Variants in CRB1 observed in about 807,000 individuals in gnomAD.
CRB1 encodes the protein protein crumbs homolog 1.
A neutral mutation model predicts 120.0 loss-of-function variants in CRB1; 83 were observed. That is an observed-to-expected ratio of 0.69 (90% CI 0.58 to 0.83). The LOEUF (loss-of-function observed/expected upper bound fraction) is 0.83. Among genes scored for constraint, CRB1 ranks in the 40% least tolerant of loss-of-function variants. CRB1 has a pLI of 0.00. For synonymous variants in CRB1, 625 were observed against 612.5 expected, an observed-to-expected ratio of 1.02 and a Z score of -0.30; for missense variants, 1,699 against 1,687.6, an observed-to-expected ratio of 1.01 and a Z score of -0.12.
intron 1 of CRB1, among the ~76,000 whole-genome samples, chr1:197,279,774 A>G (rs1225900698): frequency 6.6e-6 from 1 of 151,428 alleles, no homozygotes; most frequent in African/African-American, 2.4e-5. Context: ...AAAGCAGCCC[A>G]CTACCCCCTA....
chr1:197,243,910 C>A, the CRB1 span, among the ~76,000 whole-genome samples: 1 of 151,994 alleles, frequency 6.6e-6, no homozygotes, highest in South Asian at 2.1e-4. Flanking sequence ...TTGCATTGAT[C>A]TCTTCACTAT....
chr1:197,394,539 C>T (rs1662676430), intron 5 of CRB1, among the ~76,000 whole-genome samples: 2 of 151,910 alleles, frequency 1.3e-5, no homozygotes, highest in South Asian at 4.2e-4. Flanking sequence ...GTAAAACTAC[C>T]TACATTCACA....
intron 2 of CRB1, among the ~76,000 whole-genome samples, chr1:197,342,680 T>C (rs1216582393): frequency 2.6e-5 from 4 of 152,206 alleles, no homozygotes; most frequent in African/African-American, 2.4e-5. Flanking sequence ...TATTCTAAAT[T>C]CTCTTTTAGA....
chr1:197,450,957 C>CAAAAAAA (rs11288525), intron 11 of CRB1, among the ~76,000 whole-genome samples: 2 of 56,620 alleles, frequency 3.5e-5, no homozygotes, highest in Non-Finnish European at 3.0e-5. Flanking sequence ...GACTCCGTCC[C>CAAAAAAA]AAAAAAAAAA....
At chr1:197,207,494 C>G in the CRB1 span, among the ~76,000 whole-genome samples, 2 of 152,052 alleles carry the variant, frequency 1.3e-5, no homozygotes, top group African/African-American at 2.4e-5. Context: ...TTGCTGGATA[C>G]AAAATTCTTG....
upstream of CRB1, chr1:197,268,228 A>G: frequency 1.7e-6 from 1 of 597,446 alleles, no homozygotes; most frequent in Non-Finnish European, 3.0e-6. Context: ...GATGCTAAGA[A>G]GCACAAACTG....
intron 5 of CRB1, among the ~76,000 whole-genome samples, chr1:197,374,067 C>T (rs1444322872): frequency 6.6e-6 from 1 of 152,094 alleles, no homozygotes; most frequent in Non-Finnish European, 1.5e-5. Context: ...CAATTTTTGG[C>T]AGGAGTCTCC....
chr1:197,389,137 G>A (rs570480975), intron 5 of CRB1, among the ~76,000 whole-genome samples: 1 of 152,182 alleles, frequency 6.6e-6, no homozygotes, highest in East Asian at 1.9e-4. Flanking sequence ...AAATGCTGTG[G>A]AAAACAGCAT....
intron 5 of CRB1, among the ~76,000 whole-genome samples, chr1:197,404,070 T>A (rs1031227257): frequency 6.6e-6 from 1 of 152,174 alleles, no homozygotes; most frequent in African/African-American, 2.4e-5. Flanking sequence ...GTAAGATAAA[T>A]AAAATATAGT....
upstream of CRB1, among the ~76,000 whole-genome samples, chr1:197,265,177 A>C (rs1654604054): frequency 6.6e-6 from 1 of 152,086 alleles, no homozygotes. Flanking sequence ...CCATTTGTGA[A>C]CTGTGAATTG....
intron 1 of CRB1, among the ~76,000 whole-genome samples, chr1:197,293,175 T>G (rs929652533): frequency 1.3e-5 from 2 of 152,016 alleles, no homozygotes; most frequent in Non-Finnish European, 2.9e-5. Context: ...ATCGTCTCAG[T>G]GCAAAATCTC....
At chr1:197,434,607 G>T (rs1330938505) in intron 8 of CRB1, 99 bp from the exon 9 acceptor site, 3 of 1,069,800 alleles carry the variant, frequency 2.8e-6, no homozygotes, top group Non-Finnish European at 4.2e-6. Context: ...TAGTCAATAT[G>T]CAATGTTATT....
intron 11 of CRB1, among the ~76,000 whole-genome samples, chr1:197,461,983 A>G (rs910582722): frequency 6.6e-6 from 1 of 152,168 alleles, no homozygotes; most frequent in African/African-American, 2.4e-5. Flanking sequence ...GTACATAAAG[A>G]CAAAAGCACA....
intron 5 of CRB1, among the ~76,000 whole-genome samples, chr1:197,388,133 G>A (rs1420916747): frequency 6.6e-6 from 1 of 151,938 alleles, no homozygotes; most frequent in Non-Finnish European, 1.5e-5. Context: ...CATTTAGGTA[G>A]AACCTACTAC....
rs1316328484 is a variant in CRB1, at chr1:197,364,097, G to T, written c.1171+7084G>T. On this transcript the variant is annotated intron_variant, in intron 5 of 11. Transcript: ENST00000367400. ...GGCTGCTGAGGCGGGCAGATCCGTG[G>T]GTGGGCTGCTGAGGCTTGTGGATGG... is the stretch of plus-strand genomic sequence containing the variant. The T allele has an allele frequency of 1.0e-5, 12 of 1,157,480 alleles. No individual in the cohort carries two copies. In the East Asian group the frequency reaches 2.9e-4, roughly 28 times the overall value. 71.7% of individuals were successfully genotyped at this position (1,157,480 alleles called of 1,614,324 possible).
At chr1:197,420,841 G>A (rs948308137) in intron 5 of CRB1, among the ~76,000 whole-genome samples, 159 bp from the exon 6 acceptor site, 2 of 152,150 alleles carry the variant, frequency 1.3e-5, no homozygotes, top group Admixed American at 1.3e-4. Flanking sequence ...ATATAGAATT[G>A]ATTTTACTTT....
intron 1 of CRB1, among the ~76,000 whole-genome samples, chr1:197,299,406 T>C (rs1348358657): frequency 1.3e-5 from 2 of 152,108 alleles, no homozygotes; most frequent in Non-Finnish European, 2.9e-5. Flanking sequence ...AACTAATGCA[T>C]GTATCCATTG....
At chr1:197,343,617 A>T (rs1261907991) in intron 2 of CRB1, among the ~76,000 whole-genome samples, 2 of 152,236 alleles carry the variant, frequency 1.3e-5, no homozygotes, top group Non-Finnish European at 2.9e-5. Context: ...ATGTCTATGC[A>T]AAATGAGCAC....
upstream of CRB1, chr1:197,268,197 AC>A: frequency 3.8e-6 from 2 of 523,054 alleles, no homozygotes; most frequent in Non-Finnish European, 3.5e-6. Flanking sequence ...TTGAAAAATC[AC>A]CCCATCCTCC....
Sources: allele counts gnomAD v4.1 joint callset (sites outside exome capture counted in the v4.1 genomes callset), GRCh38; gene constraint gnomAD v4.1.1; transcripts MANE v1.5; gene names NCBI Gene and HGNC (gene_info 2026-07-23, HGNC 2026-07-21).